The following DNAAF9 variants were observed in gnomAD, a reference collection of about 807,000 sequenced individuals.
The protein encoded by DNAAF9 is dynein axonemal assembly factor 9.
DNAAF9 carries 90 observed loss-of-function variants against 167.0 expected under a neutral mutation model. That is an observed-to-expected ratio of 0.54 (90% CI 0.45 to 0.64). DNAAF9 has a LOEUF of 0.64. Among genes scored for constraint, DNAAF9 ranks in the 30% least tolerant of loss-of-function variants. DNAAF9 has a pLI of 0.00. For missense variants in DNAAF9, 1,315 were observed against 1,442.2 expected, an observed-to-expected ratio of 0.91 and a Z score of 1.43; for synonymous variants, 491 against 508.8, an observed-to-expected ratio of 0.96 and a Z score of 0.47.
intron 21 of DNAAF9, 47 bp downstream of exon 21, chr20:3,304,393 T>C (rs1159164500): frequency 2.4e-6 from 2 of 850,068 alleles, no homozygotes; most frequent in African/African-American, 1.7e-5. Flanking sequence ...CTCAAAAGTG[T>C]GAGCAACTTT....
chr20:3,292,171 TG>T (rs1415922673), intron 25 of DNAAF9, among the ~76,000 whole-genome samples: 1 of 152,068 alleles, frequency 6.6e-6, no homozygotes, highest in East Asian at 1.9e-4. Flanking sequence ...GGCTAATTTT[TG>T]TATTTTTAGT....
chr20:3,291,474 G>A (rs1228448911), intron 25 of DNAAF9, among the ~76,000 whole-genome samples: 1 of 151,642 alleles, frequency 6.6e-6, no homozygotes, highest in East Asian at 1.9e-4. Flanking sequence ...CTCCCGAGTA[G>A]CTGGGACTAC....
intron 1 of DNAAF9, among the ~76,000 whole-genome samples, chr20:3,393,066 C>G (rs1370538492): frequency 6.6e-6 from 1 of 152,180 alleles, no homozygotes; most frequent in Non-Finnish European, 1.5e-5. Context: ...CATTATACCT[C>G]AGAGATCTTT....
At position 3,252,464 on chromosome 20, in the gene DNAAF9, CAA is replaced by C; in HGVS notation, c.*106_*107del. On this transcript the variant is annotated 3_prime_UTR_variant, in exon 37 of 37. Transcript: ENST00000252032. ...GCCAGCCCACACAGGCCAAGGAGAA[CAA>C]AGACAGCCCCTTAAGGGAGAGGCCT... The C allele has an allele frequency of 1.4e-6, 1 of 708,042 alleles. No individual in the cohort carries two copies. Among genetic ancestry groups the C allele is most frequent in the South Asian group, 1.6e-5 (1 of 61,186 alleles). 43.9% of individuals were successfully genotyped at this position (708,042 alleles called of 1,614,324 possible). A position where few individuals can be genotyped will look rare whatever the true frequency, so the allele number is the denominator to read the frequency against.
At chr20:3,327,489 C>G (rs1179315018) in intron 12 of DNAAF9, among the ~76,000 whole-genome samples, 2 of 152,046 alleles carry the variant, frequency 1.3e-5, no homozygotes, top group Non-Finnish European at 1.5e-5. Context: ...ATCCAAGGGT[C>G]CCTGAAAGGC....
chr20:3,340,433 T>TCCACC, intron 10 of DNAAF9, 71 bp downstream of exon 10: 1 of 221,214 alleles, frequency 4.5e-6, no homozygotes, highest in Non-Finnish European at 9.5e-6. Context: ...TTTGTCTAGC[T>TCCACC]CCCCCCACCC....
At chr20:3,280,912 G>C (rs2068754191) in intron 28 of DNAAF9, among the ~76,000 whole-genome samples, 1 of 152,054 alleles carries the variant, frequency 6.6e-6, no homozygotes, top group African/African-American at 2.4e-5. Context: ...ACTGTGCCCT[G>C]CCTGATTTTG....
chr20:3,353,041 T>C (rs923168732), intron 7 of DNAAF9, among the ~76,000 whole-genome samples: 3 of 149,282 alleles, frequency 2.0e-5, no homozygotes, highest in Non-Finnish European at 4.4e-5. Context: ...ATATCCTCAA[T>C]ATGTAAATAT....
intron 35 of DNAAF9, among the ~76,000 whole-genome samples, chr20:3,254,236 G>T (rs2068240628): frequency 6.6e-6 from 1 of 152,020 alleles, no homozygotes. Flanking sequence ...GCGCCACCAC[G>T]CCTGGCTAAT....
chr20:3,367,835 C>A (rs1332928951), intron 6 of DNAAF9, among the ~76,000 whole-genome samples: 1 of 150,224 alleles, frequency 6.7e-6, no homozygotes, highest in Non-Finnish European at 1.5e-5. Flanking sequence ...CACAGAGACA[C>A]AAAGTGAACA....
At chr20:3,344,590 TAC>T (rs4053351) in intron 8 of DNAAF9, among the ~76,000 whole-genome samples, 7,121 of 144,230 alleles carry the variant, frequency 0.049, 153 homozygotes, top group African/African-American at 0.057. Flanking sequence ...TACACACACA[TAC>T]ACACACACAC....
At chr20:3,252,773 G>T (rs1177336429) in intron 36 of DNAAF9, 89 bp from the exon 37 acceptor site, 14 of 778,412 alleles carry the variant, frequency 1.8e-5, no homozygotes, top group Non-Finnish European at 3.2e-5. Context: ...GGTGAGGGGG[G>T]TTTGCTGAGG....
At chr20:3,265,674 C>CTT (rs1255778177) in intron 30 of DNAAF9, among the ~76,000 whole-genome samples, 15 of 137,122 alleles carry the variant, frequency 1.1e-4, no homozygotes, top group East Asian at 4.2e-4. Flanking sequence ...AGATACATTC[C>CTT]TTTTTTTTTT....
At chr20:3,376,138 T>C (rs760897788) in intron 4 of DNAAF9, 40 bp downstream of exon 4, 4 of 1,587,656 alleles carry the variant, frequency 2.5e-6, no homozygotes, top group South Asian at 1.1e-5. Flanking sequence ...AGAGTATTCT[T>C]AGAGTGTCTC....
chr20:3,382,508 T>G lies in DNAAF9; in HGVS notation c.84-2A>C, dbSNP rs1184173516. ...TGAACCTGCCGAAGTCGACTGCAGC[T>G]GCAACAAGAACAGAAAATGGTCCCC... On this transcript the variant is annotated splice_acceptor_variant, in intron 1 of 36. Transcript: ENST00000252032. LOFTEE classifies it high-confidence loss of function. 6.2e-7 allele frequency: 1 copy of G among 1,613,518 alleles called. No individual in the cohort carries two copies. Among genetic ancestry groups the G allele is most frequent in the Non-Finnish European group, 8.5e-7 (1 of 1,179,504 alleles).
chr20:3,324,904 T>C lies in DNAAF9; in HGVS notation c.1253A>G (p.Lys418Arg). 6.3e-7 allele frequency: 1 copy of C among 1,598,048 alleles called. No individual in the cohort carries two copies. The highest frequency in any genetic ancestry group is 8.6e-7 in the Non-Finnish European group (1 of 1,165,372). The change falls in exon 14 of 37, where the codon AAG becomes AGG. Residue 418 changes from lysine to arginine, a missense_variant. Physicochemically the swap from Lys to Arg is conservative, Grantham distance 26 (BLOSUM62 2). Coordinates refer to ENST00000252032, the MANE Select transcript of DNAAF9 (RefSeq NM_001009984.3). ...GLDSFELIPFKAALRSKMTFH... is the reference protein window; with the variant it reads ...GLDSFELIPFRAALRSKMTFH... ...AGCCATTGCTTACCGCAGGGCTGCCTTAAACGGAATCAACTCAAAGGAATC... is the reference window on the plus strand; with the variant it reads ...AGCCATTGCTTACCGCAGGGCTGCCCTAAACGGAATCAACTCAAAGGAATC...
At chr20:3,328,181 C>CTTTTTTTTTTTTTTTTGTT (rs2069747340) in intron 12 of DNAAF9, among the ~76,000 whole-genome samples, 1 of 102,738 alleles carries the variant, frequency 9.7e-6, no homozygotes, top group African/African-American at 4.5e-5. Flanking sequence ...CTGCATGGCT[C>CTTTTTTTTTTTTTTTTGTT]TGTTTTTTTT....
chr20:3,376,101 C>T, intron 4 of DNAAF9, 77 bp downstream of exon 4: 1 of 1,303,360 alleles, frequency 7.7e-7, no homozygotes, highest in East Asian at 2.4e-5. Flanking sequence ...GATTGCTGAT[C>T]CTATTTCAGA....
intron 9 of DNAAF9, 60 bp from the exon 10 acceptor site, chr20:3,340,699 C>T: frequency 6.5e-7 from 1 of 1,542,734 alleles, no homozygotes; most frequent in South Asian, 1.1e-5. Context: ...GGCAACCTTC[C>T]ATGACCTTAA....
Sources: allele counts gnomAD v4.1 joint callset (sites outside exome capture counted in the v4.1 genomes callset), GRCh38; gene constraint gnomAD v4.1.1; transcripts MANE v1.5; gene names NCBI Gene and HGNC (gene_info 2026-07-23, HGNC 2026-07-21).